The following MYZAP variants were observed in gnomAD, a reference collection of about 807,000 sequenced individuals.
MYZAP encodes myocardial zonula adherens protein.
Under a neutral mutation model 69.4 loss-of-function variants are expected in MYZAP, and 66 were observed. That is an observed-to-expected ratio of 0.95 (90% CI 0.78 to 1.17). MYZAP has a LOEUF of 1.17. MYZAP is among the 50% of genes most tolerant of loss of function. MYZAP has a pLI of 0.00. For synonymous variants in MYZAP, 256 were observed against 205.9 expected (o/e 1.24, Z -2.09); for missense variants, 611 against 556.2 (o/e 1.10, Z -0.99).
At chr15:57,627,271 G>C (rs1017144283) in intron 5 of MYZAP, among the ~76,000 whole-genome samples, 2 of 151,840 alleles carry the variant, frequency 1.3e-5, no homozygotes, top group Non-Finnish European at 2.9e-5. Flanking sequence ...CAGGCACCTT[G>C]ACTGATTCCT....
Position 57,604,284 on chromosome 15 carries a change from C to T in MYZAP, c.91C>T (p.Leu31=), listed in dbSNP as rs142253131. ...APSRRANVCR[L]RLTVPPESPV... ...TCTCTTCTAGGCAAATGTTTGCAGA[C>T]TACGGCTGACCGTACCTCCTGAGAG... The change falls in exon 2 of 13, where the codon CTA becomes TTA. Residue 31 remains leucine, a synonymous_variant. Coordinates refer to ENST00000267853, the MANE Select transcript of MYZAP (RefSeq NM_001018100.5). 5 of 1,614,110 alleles carry T rather than the reference C, an allele frequency of 3.1e-6. No homozygotes were observed. Among genetic ancestry groups the T allele is most frequent in the East Asian group, 2.2e-5 (1 of 44,894 alleles).
chr15:57,655,444 T>C (rs1157878152), intron 10 of MYZAP, among the ~76,000 whole-genome samples: 1 of 151,916 alleles, frequency 6.6e-6, no homozygotes. Context: ...CGTAGGGGGT[T>C]TTTAATTGGG....
At chr15:57,606,755 C>G (rs1362251378) in intron 2 of MYZAP, among the ~76,000 whole-genome samples, 2 of 152,032 alleles carry the variant, frequency 1.3e-5, no homozygotes, top group Non-Finnish European at 2.9e-5. Context: ...AAAAGATATA[C>G]TGGGATGACT....
intron 10 of MYZAP, among the ~76,000 whole-genome samples, chr15:57,659,712 C>T (rs1007369366): frequency 5.3e-5 from 8 of 152,120 alleles, no homozygotes; most frequent in East Asian, 3.9e-4. Flanking sequence ...TGATATACAT[C>T]GTTTCTTCAA....
At chr15:57,648,333 C>G (rs2037555162) in intron 10 of MYZAP, 1 of 985,278 alleles carries the variant, frequency 1.0e-6, no homozygotes, top group Admixed American at 6.2e-5. Flanking sequence ...TCTATGTTCT[C>G]TTTATTGAAA....
intron 2 of MYZAP, among the ~76,000 whole-genome samples, chr15:57,609,012 G>C (rs2034936515): frequency 6.6e-6 from 1 of 152,106 alleles, no homozygotes; most frequent in African/African-American, 2.4e-5. Context: ...TAACCTACAG[G>C]ACACCCAGGC....
intron 12 of MYZAP, 72 bp from the exon 13 acceptor site, chr15:57,684,330 T>A (rs2140687902): frequency 1.1e-6 from 1 of 934,928 alleles, no homozygotes; most frequent in South Asian, 1.4e-5. Context: ...TCTAGAGTTG[T>A]CTTACCATGT....
chr15:57,618,141 G>A lies in MYZAP; in HGVS notation c.271G>A (p.Gly91Arg). 6.2e-7 allele frequency: 1 copy of A among 1,614,166 alleles called. No individual in the cohort carries two copies. Among genetic ancestry groups the A allele is most frequent in the East Asian group, 2.2e-5 (1 of 44,884 alleles). The stretch of plus-strand genomic sequence containing the variant: ...TCAGCAGAAAGAAATGGTGGTGTAT[G>A]GGTGGTCCACCAGTCAGCTGAAAGA... ...QNQQKEMVVY[G>R]WSTSQLKEEM... The change falls in exon 3 of 13, where the codon GGG (glycine) becomes AGG (arginine). Residue 91 changes from glycine to arginine, a missense_variant. Gly to Arg is a moderately radical substitution (Grantham distance 125). Transcript: ENST00000267853.
intron 1 of MYZAP, among the ~76,000 whole-genome samples, chr15:57,593,188 G>GCACACACACACACACACACACA (rs199705290): frequency 8.8e-6 from 1 of 114,152 alleles, no homozygotes; most frequent in African/African-American, 3.4e-5. Flanking sequence ...GTACACAGGC[G>GCACACACACACACACACACACA]CACACACACA....
At position 57,621,610 on chromosome 15, in the gene MYZAP, G is replaced by T; in HGVS notation, c.321G>T (p.Val107=). Reference sequence around the variant, plus strand: ...ACTAGTATCTTTGTGGGCTACAGGTGAGAGCCACTTTGGAAAAGGTGAGAA... The same window carrying T: ...ACTAGTATCTTTGTGGGCTACAGGTTAGAGCCACTTTGGAAAAGGTGAGAA... ...LKEEMNYIKD[V]RATLEKVRKR... The change falls in exon 4 of 13, where the codon GTG becomes GTT. Residue 107 remains valine, a splice_region_variant and synonymous_variant. Coordinates refer to ENST00000267853, the MANE Select transcript of MYZAP (RefSeq NM_001018100.5). 1 of 1,613,532 alleles carries T rather than the reference G, an allele frequency of 6.2e-7. No homozygotes were observed. Among genetic ancestry groups the T allele is most frequent in the Non-Finnish European group, 8.5e-7 (1 of 1,179,640 alleles).
intron 3 of MYZAP, 131 bp downstream of exon 3, chr15:57,618,319 G>C: frequency 7.2e-7 from 1 of 1,394,994 alleles, no homozygotes; most frequent in African/African-American, 1.5e-5. Context: ...ATTTTGGCTG[G>C]AAATGTTTCT....
Position 57,592,031 on chromosome 15 carries a change from CG to C in MYZAP, c.-1del. 7.0e-7 allele frequency: 1 copy of C among 1,435,292 alleles called. No homozygotes were observed. Among genetic ancestry groups the C allele is most frequent in the South Asian group, 1.4e-5 (1 of 71,442 alleles). 88.9% of individuals were successfully genotyped at this position (1,435,292 alleles called of 1,614,324 possible). On this transcript the variant is annotated 5_prime_UTR_variant, in exon 1 of 13. Coordinates refer to ENST00000267853, the MANE Select transcript of MYZAP (RefSeq NM_001018100.5). ...TCCAGCCCGCTACCGACCGCCGCTGCGGGATGCTGCGCTCCACGTCCACGGT... is the reference window on the plus strand; with the variant it reads ...TCCAGCCCGCTACCGACCGCCGCTGCGGATGCTGCGCTCCACGTCCACGGT...
chr15:57,656,882 T>C (rs969004584), intron 10 of MYZAP, among the ~76,000 whole-genome samples: 3 of 152,204 alleles, frequency 2.0e-5, no homozygotes, highest in Non-Finnish European at 1.5e-5. Flanking sequence ...CTGAAAACCA[T>C]GAGCCTTGTT....
chr15:57,648,800 TTA>T, intron 10 of MYZAP, among the ~76,000 whole-genome samples: 1 of 151,644 alleles, frequency 6.6e-6, no homozygotes, highest in Admixed American at 6.6e-5. Flanking sequence ...TTTTTTTTTT[TTA>T]AAGAAAAGAA....
Position 57,684,674 on chromosome 15 carries a change from G to A in MYZAP, c.*176G>A. On this transcript the variant is annotated 3_prime_UTR_variant, in exon 13 of 13. Coordinates refer to ENST00000267853, the MANE Select transcript of MYZAP (RefSeq NM_001018100.5). ...AAGGAAAGTGAAGGCAGAGTGAGCA[G>A]GTAAGAGAGGGATATACAAGGTCAC... The A allele has an allele frequency of 3.6e-6, 2 of 552,504 alleles. No individual in the cohort carries two copies. Among genetic ancestry groups the A allele is most frequent in the East Asian group, 6.1e-5 (2 of 33,022 alleles). The allele number at this position is 552,504 out of a possible 1,614,324, so 34.2% of individuals were successfully genotyped here.
rs546156300 is a variant in MYZAP, at chr15:57,682,472, T to C, written c.1305-1930T>C. On this transcript the variant is annotated intron_variant, in intron 12 of 12. Coordinates refer to ENST00000267853, the MANE Select transcript of MYZAP (RefSeq NM_001018100.5). Reference sequence around the variant, plus strand: ...CTCCCCGCCACTTCCCATCAAGTGCTTCCGTCAGAATTCAAGTTGTCATGA... The same window carrying C: ...CTCCCCGCCACTTCCCATCAAGTGCCTCCGTCAGAATTCAAGTTGTCATGA... Among the ~76,000 whole-genome samples the C allele has an allele frequency of 2.8e-4, 42 of 152,288 alleles. 1 individual carries two copies. Among genetic ancestry groups the C allele is most frequent in the Admixed American group, 2.3e-3 (35 of 15,304 alleles).
chr15:57,661,423 A>G (rs1215473878), intron 10 of MYZAP, 27 bp from the exon 11 acceptor site: 1 of 1,550,086 alleles, frequency 6.5e-7, no homozygotes, highest in Non-Finnish European at 8.9e-7. Context: ...ATTTTTGATT[A>G]ACAATTTTCC....
intron 11 of MYZAP, among the ~76,000 whole-genome samples, chr15:57,665,060 C>G (rs2038498529): frequency 6.6e-6 from 1 of 152,232 alleles, no homozygotes; most frequent in African/African-American, 2.4e-5. Flanking sequence ...AGATTTATAG[C>G]TATGTCCCAT....
chr15:57,671,426 TTAAC>T (rs1459800680), intron 11 of MYZAP, among the ~76,000 whole-genome samples: 4 of 152,142 alleles, frequency 2.6e-5, no homozygotes, highest in Admixed American at 6.6e-5. Flanking sequence ...ATTTATGTCT[TTAAC>T]TAAATTTGGG....
Sources: gnomAD v4.1 joint callset for allele counts (sites outside exome capture counted in the v4.1 genomes callset) on GRCh38, gnomAD v4.1.1 for gene constraint, MANE v1.5 for transcripts, NCBI Gene and HGNC (gene_info 2026-07-23, HGNC 2026-07-21) for gene names.